Variants in LRBA observed in about 807,000 individuals in gnomAD.
The protein encoded by LRBA is LPS responsive beige-like anchor protein, also known as lipopolysaccharide-responsive and beige-like anchor protein.
A neutral mutation model predicts 330.0 loss-of-function variants in LRBA; 176 were observed. That is an observed-to-expected ratio of 0.53 (90% CI 0.47 to 0.60). LRBA has a LOEUF of 0.60. Among genes scored for constraint, LRBA ranks in the 20% least tolerant of loss-of-function variants. LRBA has a pLI of 0.00. For synonymous variants in LRBA, 1,230 were observed against 1,193.0 expected, an observed-to-expected ratio of 1.03 and a Z score of -0.64; for missense variants, 3,259 against 3,444.8, an observed-to-expected ratio of 0.95 and a Z score of 1.35.
intron 37 of LRBA, among the ~76,000 whole-genome samples, chr4:150,657,890 GTTCTTACA>G (rs1561479969): frequency 6.6e-6 from 1 of 152,008 alleles, no homozygotes; most frequent in Non-Finnish European, 1.5e-5. Flanking sequence ...AAGGTGCTTA[GTTCTTACA>G]TTTAATGTTT....
chr4:150,290,822 G>C (rs1186514422), intron 53 of LRBA, among the ~76,000 whole-genome samples: 2 of 151,998 alleles, frequency 1.3e-5, no homozygotes, highest in African/African-American at 4.8e-5. Context: ...GTTTTACAGA[G>C]GCACTTCTCT....
Position 150,304,677 on chromosome 4 carries a change from T to TA in LRBA, c.7850-1886dup, listed in dbSNP as rs566164200. 8.8e-4 allele frequency among the ~76,000 whole-genome samples: 134 copies of TA among 151,996 alleles called. 1 individual carries two copies. Among genetic ancestry groups the TA allele is most frequent in the Non-Finnish European group, 4.9e-4 (33 of 67,946 alleles). On this transcript the variant is annotated intron_variant, in intron 52 of 56. Transcript: ENST00000651943. The stretch of plus-strand genomic sequence containing the variant: ...AAAAGAATCCAAGACCTTCAAGAAC[T>TA]AAAAAAAATTGAGCAAATTAAATGT...
intron 34 of LRBA, among the ~76,000 whole-genome samples, chr4:150,774,588 C>T (rs138459293): frequency 3.3e-4 from 51 of 152,272 alleles, no homozygotes; most frequent in Middle Eastern, 3.4e-3. Context: ...ACTGAGTGAA[C>T]GGGAAGTATA....
At chr4:150,818,343 G>A (rs1744895737) in intron 30 of LRBA, among the ~76,000 whole-genome samples, 1 of 152,002 alleles carries the variant, frequency 6.6e-6, no homozygotes, top group Admixed American at 6.6e-5. Flanking sequence ...TGCTAGGCAT[G>A]GCTTATTCAA....
At chr4:150,462,395 C>T (rs551667340) in intron 44 of LRBA, among the ~76,000 whole-genome samples, 101 of 151,794 alleles carry the variant, frequency 6.7e-4, no homozygotes, top group Admixed American at 1.2e-3. Context: ...TAGATTTGAT[C>T]TTCTCAATGT....
intron 11 of LRBA, 21 bp downstream of exon 11, chr4:150,908,313 G>T (rs1310337538): frequency 1.3e-6 from 2 of 1,599,944 alleles, no homozygotes; most frequent in East Asian, 2.2e-5. Context: ...GCCAATTAAA[G>T]AAACAAATAA....
At chr4:150,785,114 A>G (rs1738855429) in intron 34 of LRBA, among the ~76,000 whole-genome samples, 1 of 152,038 alleles carries the variant, frequency 6.6e-6, no homozygotes, top group Non-Finnish European at 1.5e-5. Flanking sequence ...GTTTTTCAGG[A>G]TAATTTGGTG....
chr4:150,447,508 T>A (rs1431109149), intron 44 of LRBA, among the ~76,000 whole-genome samples: 1 of 152,162 alleles, frequency 6.6e-6, no homozygotes, highest in Non-Finnish European at 1.5e-5. Flanking sequence ...CTCCCCTGGT[T>A]CTCAGGCCTT....
chr4:150,362,528 A>G (rs76166864), intron 47 of LRBA, among the ~76,000 whole-genome samples: 4,641 of 152,224 alleles, frequency 0.03, 158 homozygotes, highest in African/African-American at 0.077. Flanking sequence ...ACACACCAAA[A>G]TTAGCTGGAG....
chr4:150,819,392 T>C (rs1464444758), intron 30 of LRBA, among the ~76,000 whole-genome samples: 1 of 151,964 alleles, frequency 6.6e-6, no homozygotes, highest in Non-Finnish European at 1.5e-5. Context: ...TTAAGACCTG[T>C]GTCTTTCATT....
At chr4:150,814,767 A>G (rs548144194) in intron 31 of LRBA, among the ~76,000 whole-genome samples, 97 of 152,194 alleles carry the variant, frequency 6.4e-4, no homozygotes, top group African/African-American at 2.1e-3. Context: ...AATAAGATAC[A>G]TTATGAGCTG....
At chr4:150,335,451 A>ATG (rs1458438284) in intron 48 of LRBA, among the ~76,000 whole-genome samples, 7 of 145,316 alleles carry the variant, frequency 4.8e-5, no homozygotes, top group Non-Finnish European at 9.0e-5. Context: ...ACACGTATAT[A>ATG]TGTGTATATA....
intron 37 of LRBA, among the ~76,000 whole-genome samples, chr4:150,646,950 GA>G (rs1355305295): frequency 6.6e-6 from 1 of 152,184 alleles, no homozygotes; most frequent in South Asian, 2.1e-4. Flanking sequence ...AAGCATTTCA[GA>G]AAAGAGATAT....
At chr4:150,434,164 A>G (rs964518238) in intron 46 of LRBA, among the ~76,000 whole-genome samples, 1 of 152,110 alleles carries the variant, frequency 6.6e-6, no homozygotes, top group Non-Finnish European at 1.5e-5. Context: ...AATTATTTAT[A>G]TATGTCATAT....
intron 48 of LRBA, among the ~76,000 whole-genome samples, chr4:150,347,358 AAAAATGGCCAG>A (rs1736516630): frequency 6.6e-6 from 1 of 152,162 alleles, no homozygotes; most frequent in Non-Finnish European, 1.5e-5. Context: ...CAAAAATGGT[AAAAATGGCCAG>A]GGGCAGTGGC....
In LRBA at chr4:150,442,735, C is replaced by T. The variant is rs573778815; in HGVS notation, c.6781-5871G>A. Among the ~76,000 whole-genome samples, 9 of 152,228 alleles carry T rather than the reference C, an allele frequency of 5.9e-5. No homozygotes were observed. The South Asian group carries it at 1.9e-3, about 32-fold the overall frequency. On this transcript the variant is annotated intron_variant, in intron 44 of 56. Coordinates refer to ENST00000651943, the MANE Select transcript of LRBA (RefSeq NM_001364905.1). ...ATACAAGATGGCTGAACTCAATGTT[C>T]TTCTATGCTATAAAAATGTCAGGTT...
At chr4:150,919,454 CATAT>C (rs1476998444) in intron 5 of LRBA, among the ~76,000 whole-genome samples, 1 of 152,134 alleles carries the variant, frequency 6.6e-6, no homozygotes, top group South Asian at 2.1e-4. Context: ...ACATATTATA[CATAT>C]ATTCTTTTAT....
At chr4:150,753,578 G>C (rs1397009876) in intron 35 of LRBA, among the ~76,000 whole-genome samples, 2 of 152,002 alleles carry the variant, frequency 1.3e-5, no homozygotes, top group Admixed American at 6.6e-5. Context: ...TATTCTACAG[G>C]CACGCTATAT....
At chr4:150,460,245 A>T (rs922930883) in intron 44 of LRBA, among the ~76,000 whole-genome samples, 12 of 151,954 alleles carry the variant, frequency 7.9e-5, no homozygotes, top group African/African-American at 2.9e-4. Context: ...GCTGTATATT[A>T]AATGTGTGTG....
Sources: gnomAD v4.1 joint callset for allele counts (sites outside exome capture counted in the v4.1 genomes callset) on GRCh38, gnomAD v4.1.1 for gene constraint, MANE v1.5 for transcripts, NCBI Gene and HGNC (gene_info 2026-07-23, HGNC 2026-07-21) for gene names.